MED24: variants seen among roughly 807,000 people sequenced by gnomAD.
The protein encoded by MED24 is mediator of RNA polymerase II transcription subunit 24.
MED24 carries 74 observed loss-of-function variants against 118.8 expected under a neutral mutation model. The ratio of observed to expected loss-of-function variants is 0.62; its 90% CI spans 0.52 to 0.76. MED24 has a LOEUF of 0.76. MED24 is among the 30% of genes least tolerant of loss of function. The pLI, the probability that MED24 is intolerant of heterozygous loss-of-function variation, is 0.00. For synonymous variants in MED24, 521 were observed against 523.9 expected, an observed-to-expected ratio of 0.99 and a Z score of 0.08; for missense variants, 1,041 against 1,278.9, an observed-to-expected ratio of 0.81 and a Z score of 2.84.
rs1339463297 is a variant in MED24, at chr17:40,022,797, G to A, written c.2280C>T (p.His760=). 1 of 1,613,672 alleles carries A rather than the reference G, an allele frequency of 6.2e-7. No individual in the cohort carries two copies. Among genetic ancestry groups the A allele is most frequent in the Non-Finnish European group, 8.5e-7 (1 of 1,179,952 alleles). ...AGAGCAGCTCCACTGCCCGCAGCGT[G>A]TGCTCCTTCCGCGTCTCCTTCAGCA... ...KELLKETRKE[H]TLRAVELLYS... is the part of the protein sequence containing the mutation. The change falls in exon 21 of 26, where the codon CAC becomes CAT. Residue 760 remains histidine, a synonymous_variant. Coordinates refer to ENST00000394128, the MANE Select transcript of MED24 (RefSeq NM_014815.4).
intron 9 of MED24, 58 bp downstream of exon 9, chr17:40,032,591 A>G (rs7502514): frequency 0.62 from 869,959 of 1,394,032 alleles, 272,278 homozygotes; most frequent in South Asian, 0.74. Flanking sequence ...CCAGGGTGCC[A>G]CTGGTCTTGC....
chr17:40,025,645 C>T lies in MED24; in HGVS notation c.1985+511G>A, dbSNP rs1224360648. Among the ~76,000 whole-genome samples the T allele has an allele frequency of 3.9e-5, 6 of 152,132 alleles. No homozygotes were observed. In the East Asian group the frequency reaches 1.2e-3, roughly 29 times the overall value. On this transcript the variant is annotated intron_variant, in intron 19 of 25. Transcript: ENST00000394128. ...ATATACTTAACACTACTGAACAGTA[C>T]ACTTAAACATGGCTAAGATGGCAAA...
intron 24 of MED24, 49 bp downstream of exon 24, chr17:40,020,224 G>T: frequency 1.4e-6 from 2 of 1,451,044 alleles, no homozygotes; most frequent in South Asian, 2.9e-5. Flanking sequence ...TGAGAAGAGA[G>T]ACTCGTCCAG....
At chr17:40,022,985 C>T (rs1982214229) in intron 20 of MED24, 146 bp downstream of exon 20, 2 of 1,357,632 alleles carry the variant, frequency 1.5e-6, no homozygotes, top group Non-Finnish European at 1.0e-6. Flanking sequence ...GCCAGAGCTC[C>T]CCAAGGAGGC....
At chr17:40,022,087 C>T in intron 22 of MED24, 33 bp from the exon 23 acceptor site, 2 of 1,473,122 alleles carry the variant, frequency 1.4e-6, no homozygotes, top group Non-Finnish European at 1.9e-6. Context: ...TTATACACCC[C>T]TAAACCCCCC....
At chr17:40,044,129 CA>C (rs1281902358) in intron 3 of MED24, among the ~76,000 whole-genome samples, 308 of 28,064 alleles carry the variant, frequency 0.011, no homozygotes, top group Middle Eastern at 0.033. Flanking sequence ...CTCTGTCTCA[CA>C]AAAAAAAAAA....
At chr17:40,046,116 T>TCG (rs1445599321) in intron 3 of MED24, among the ~76,000 whole-genome samples, 1 of 125,328 alleles carries the variant, frequency 8.0e-6, no homozygotes, top group Non-Finnish European at 1.6e-5. Context: ...AGACGGAGTC[T>TCG]CACTGTTGCC....
chr17:40,030,646 G>A (rs1983248195), intron 12 of MED24, among the ~76,000 whole-genome samples: 1 of 142,074 alleles, frequency 7.0e-6, no homozygotes. Context: ...GGAAGATTCA[G>A]GATTTTTATT....
chr17:40,033,049 C>T lies in MED24; in HGVS notation c.822+7G>A. The T allele has an allele frequency of 6.2e-7, 1 of 1,613,734 alleles. No homozygotes were observed. ...TGGAGAAGGGAGAGCCACTCGGCCC[C>T]TCCCACCTGCATGCGCTTCACCATC... On this transcript the variant is annotated splice_region_variant and intron_variant, in intron 8 of 25. Transcript: ENST00000394128. This position sits in a 1 kb window ranked among gnomAD's most constrained non-coding sequence, Gnocchi z 5.2.
chr17:40,032,700 C>T lies in MED24; in HGVS notation c.885G>A (p.Glu295=). The T allele has an allele frequency of 6.2e-7, 1 of 1,613,928 alleles. No individual in the cohort carries two copies. The highest frequency in any genetic ancestry group is 2.2e-5 in the East Asian group (1 of 44,870). The change falls in exon 9 of 26, where the codon GAG becomes GAA. Residue 295 remains glutamate (E), a synonymous_variant. Coordinates refer to ENST00000394128, the MANE Select transcript of MED24 (RefSeq NM_014815.4). ...IWKACFVGLI[E]SPEGTEELKW... is the part of the protein sequence containing the mutation. ...TGAGCTCCTCCGTACCCTCGGGAGA[C>T]TCAATGAGCCCCACGAAGCAAGCTT... is the stretch of plus-strand genomic sequence containing the variant.
chr17:40,019,571 G>A lies in MED24; in HGVS notation c.2928C>T (p.Pro976=), dbSNP rs756441644. ...CTTTAGCAGCCACCTGGCGGCCCAGGGGCAGGCTGAGGTCCGTGATGGCCA... is the reference window on the plus strand; with the variant it reads ...CTTTAGCAGCCACCTGGCGGCCCAGAGGCAGGCTGAGGTCCGTGATGGCCA... ...VVLAITDLSL[P]LGRQVAAKAI... The change falls in exon 26 of 26, where the codon CCC becomes CCT. Residue 976 remains proline (P), a synonymous_variant. Coordinates refer to ENST00000394128, the MANE Select transcript of MED24 (RefSeq NM_014815.4). The A allele has an allele frequency of 4.3e-6, 7 of 1,612,498 alleles. No homozygotes were observed. The Admixed American group carries it at 1.2e-4, about 27-fold the overall frequency.
rs1440321317 is a variant in MED24 at position 40,032,315 on chromosome 17, C to A, written c.937-225G>T. The A allele has an allele frequency of 8.5e-6, 5 of 589,114 alleles. No individual in the cohort carries two copies. In the Admixed American group the frequency reaches 9.6e-5, roughly 11 times the overall value. The allele number at this position is 589,114 out of a possible 1,614,324, so 36.5% of individuals were successfully genotyped here. A position where few individuals can be genotyped will look rare whatever the true frequency, so the allele number is the denominator to read the frequency against. On this transcript the variant is annotated intron_variant, in intron 9 of 25. Coordinates refer to ENST00000394128, the MANE Select transcript of MED24 (RefSeq NM_014815.4). ...CACAAGCACCCTGCACCTCCGCTAG[C>A]TCAACAGAAAAAGATGCCATAAGCA...
Position 40,031,607 on chromosome 17 carries a change from T to C in MED24, c.998A>G (p.Asp333Gly). The C allele has an allele frequency of 6.2e-7, 1 of 1,614,136 alleles. No homozygotes were observed. The highest frequency in any genetic ancestry group is 2.2e-5 in the East Asian group (1 of 44,874). The change falls in exon 11 of 26, where the codon GAT (aspartate) becomes GGT (glycine). Residue 333 changes from aspartate to glycine, a missense_variant. Around this residue, in one of 3 missense-constraint regions of MED24, gnomAD observed 434 missense variants for 514.9 expected, o/e 0.84. Transcript: ENST00000394128. ...YSHGDKDFTE[D>G]VNCAFEFLLK... is the part of the protein sequence containing the mutation. ...CAGGAACTCAAAAGCACAGTTGACATCCTCAGTGAAGTCCTAGAAAGAGGC... is the reference window on the plus strand; with the variant it reads ...CAGGAACTCAAAAGCACAGTTGACACCCTCAGTGAAGTCCTAGAAAGAGGC...
rs372414782 is a variant in MED24, at chr17:40,033,372, G to A, written c.644C>T (p.Ala215Val). Reference sequence around the variant, plus strand: ...CCTAATGAGGGTGCCACACTGCTCGGCCTGACTCCGGAGCTGCGGGTTGCT... The same window carrying A: ...CCTAATGAGGGTGCCACACTGCTCGACCTGACTCCGGAGCTGCGGGTTGCT... Reference protein sequence around the residue: ...NLSNPQLRSQAEQCGTLIRSI... With the variant: ...NLSNPQLRSQVEQCGTLIRSI... The change falls in exon 7 of 26, where the codon GCC becomes GTC. Residue 215 changes from alanine (A) to valine (V), a missense_variant. This residue lies in a region of MED24 where 434 missense variants were observed against 514.9 expected (regional missense o/e 0.84). Transcript: ENST00000394128. The surrounding 1 kb of genome is among the most constrained non-coding windows in gnomAD (Gnocchi z 5.2). The A allele has an allele frequency of 6.2e-7, 1 of 1,612,858 alleles. No individual in the cohort carries two copies. The highest frequency in any genetic ancestry group is 1.1e-5 in the South Asian group (1 of 90,800).
At chr17:40,047,033 A>G (rs1349186262) in intron 3 of MED24, among the ~76,000 whole-genome samples, 10 of 152,098 alleles carry the variant, frequency 6.6e-5, no homozygotes, top group Non-Finnish European at 1.5e-4. Flanking sequence ...ACTTGAGCCC[A>G]GAAGGATGAG....
chr17:40,035,009 A>G, intron 6 of MED24, 108 bp downstream of exon 6: 1 of 1,613,126 alleles, frequency 6.2e-7, no homozygotes, highest in Non-Finnish European at 8.5e-7. Context: ...GGATGGTTTC[A>G]GATCCTCCTG....
intron 12 of MED24, 112 bp from the exon 13 acceptor site, chr17:40,029,971 A>G: frequency 1.1e-6 from 1 of 877,252 alleles, no homozygotes. Flanking sequence ...GGAAGCATGT[A>G]AGAACCTCCG....
At position 40,019,910 on chromosome 17, in the gene MED24, A is replaced by G; in HGVS notation, c.2728T>C (p.Ser910Pro). Residue 910 changes from serine (S) to proline (P), a missense_variant, in exon 25 of 26, where the codon TCC becomes CCC. Ser to Pro is a moderately conservative substitution (Grantham distance 74, BLOSUM62 -1). Around this residue, in one of 3 missense-constraint regions of MED24, gnomAD observed 587 missense variants for 694.4 expected, o/e 0.85. Transcript: ENST00000394128. ...CCAGCGGTGCGAGACCCCAGGATGG[A>G]GGAGATGAGCAGGAACAGGTTGGCT... ...VLANLFLLIS[S>P]ILGSRTAGPH... 1 of 1,570,530 alleles carries G rather than the reference A, an allele frequency of 6.4e-7. No individual in the cohort carries two copies. The highest frequency in any genetic ancestry group is 8.6e-7 in the Non-Finnish European group (1 of 1,156,960).
chr17:40,043,482 C>A (rs1233991365), intron 3 of MED24, among the ~76,000 whole-genome samples: 2 of 152,100 alleles, frequency 1.3e-5, no homozygotes, highest in Admixed American at 6.6e-5. Flanking sequence ...GACAGGAGAA[C>A]CGCCTGTAAT....
Sources: gnomAD v4.1 joint callset for allele counts (sites outside exome capture counted in the v4.1 genomes callset) on GRCh38, gnomAD v4.1.1 for gene constraint, gnomAD v4.1.1 regional missense constraint, Gnocchi (gnomAD v3.1) non-coding constraint, MANE v1.5 for transcripts, NCBI Gene and HGNC (gene_info 2026-07-23, HGNC 2026-07-21) for gene names.